USP45: variants seen among roughly 807,000 people sequenced by gnomAD.
The protein encoded by USP45 is ubiquitin carboxyl-terminal hydrolase 45.
In USP45, 89 loss-of-function variants were observed where a neutral mutation model predicts 95.8. The ratio of observed to expected loss-of-function variants is 0.93; its 90% CI spans 0.78 to 1.11. The LOEUF is 1.11. Among genes scored for constraint, USP45 ranks in the 50% least tolerant of loss-of-function variants. USP45 has a pLI of 0.00. For missense variants in USP45, 898 were observed against 942.5 expected, an observed-to-expected ratio of 0.95 and a Z score of 0.62; for synonymous variants, 281 against 316.2, an observed-to-expected ratio of 0.89 and a Z score of 1.18.
At chr6:99,506,497 C>T (rs907903151) in intron 4 of USP45, among the ~76,000 whole-genome samples, 1 of 152,088 alleles carries the variant, frequency 6.6e-6, no homozygotes, top group Non-Finnish European at 1.5e-5. Context: ...TTCGTAGAGA[C>T]GGGGTTTCAC....
intron 7 of USP45, among the ~76,000 whole-genome samples, chr6:99,485,872 GA>G (rs1793752662): frequency 2.0e-5 from 3 of 152,062 alleles, no homozygotes; most frequent in Non-Finnish European, 4.4e-5. Context: ...ACAGAATAAA[GA>G]AGAAAAACCA....
Position 99,432,471 on chromosome 6 carries a change from A to G in USP45, c.*3245T>C, listed in dbSNP as rs1385210362. The G allele has an allele frequency of 1.3e-5, 2 of 152,188 alleles. No homozygotes were observed. Among genetic ancestry groups the G allele is most frequent in the Non-Finnish European group, 2.9e-5 (2 of 68,036 alleles). 9.4% of individuals were successfully genotyped at this position (152,188 alleles called of 1,614,324 possible). On this transcript the variant is annotated 3_prime_UTR_variant, in exon 18 of 18. Transcript: ENST00000500704. ...AGATAAATAAGAATATTTATTATGC[A>G]TGTTTTATACAGTAACACCAAAATA...
At chr6:99,475,982 G>A (rs1381764024) in intron 9 of USP45, among the ~76,000 whole-genome samples, 161 bp downstream of exon 9, 1 of 152,082 alleles carries the variant, frequency 6.6e-6, no homozygotes, top group Non-Finnish European at 1.5e-5. Flanking sequence ...GCACCACCAT[G>A]CGCGGCTAAT....
At chr6:99,478,620 G>A (rs1041539079) in intron 8 of USP45, among the ~76,000 whole-genome samples, 2 of 152,104 alleles carry the variant, frequency 1.3e-5, no homozygotes, top group African/African-American at 4.8e-5. Context: ...GCCCATATAT[G>A]GTGGATTGGA....
Position 99,445,249 on chromosome 6 carries a change from C to T in USP45, c.1975+548G>A, listed in dbSNP as rs1479692434. On this transcript the variant is annotated intron_variant, in intron 14 of 17. Coordinates refer to ENST00000500704, the MANE Select transcript of USP45 (RefSeq NM_001346022.3). ...CCTGTAATCTCAGCACTTTGGGAGG[C>T]CAAGGCGGGTGGATCATGAGGTCAG... Among the ~76,000 whole-genome samples, 4 of 152,082 alleles carry T rather than the reference C, an allele frequency of 2.6e-5. No homozygotes were observed. The East Asian group carries it at 7.7e-4, about 29-fold the overall frequency.
At chr6:99,446,851 C>A (rs59727634) in intron 13 of USP45, among the ~76,000 whole-genome samples, 5,694 of 152,228 alleles carry the variant, frequency 0.037, 272 homozygotes, top group African/African-American at 0.12. Flanking sequence ...TCAAGTGATC[C>A]TCCCACCTCA....
At chr6:99,460,506 A>G (rs933308696) in intron 13 of USP45, among the ~76,000 whole-genome samples, 3 of 152,192 alleles carry the variant, frequency 2.0e-5, no homozygotes, top group South Asian at 4.1e-4. Flanking sequence ...CCTTAAAAAA[A>G]TTTACATAGG....
intron 1 of USP45, chr6:99,514,822 C>T (rs972905734): frequency 1.2e-4 from 18 of 152,340 alleles, no homozygotes; most frequent in African/African-American, 4.1e-4. Flanking sequence ...AAGCACTTCA[C>T]AAATATTAAC....
At position 99,508,725 on chromosome 6, in the gene USP45, G is replaced by C; in HGVS notation, c.158C>G (p.Ala53Gly). Residue 53 changes from alanine (A) to glycine (G), a missense_variant, in exon 3 of 18, where the codon GCA becomes GGA. Ala to Gly is a moderately conservative substitution (Grantham distance 60). Coordinates refer to ENST00000500704, the MANE Select transcript of USP45 (RefSeq NM_001346022.3). ...AACTGACCACAGATTCTCAGCTATT[G>C]CTCTCTTTACATGATTCACGCTGAT... The part of the protein sequence containing the change: ...HAISVNHVKR[A>G]IAENLWSVCS... The C allele has an allele frequency of 6.2e-7, 1 of 1,613,602 alleles. No individual in the cohort carries two copies. The highest frequency in any genetic ancestry group is 1.3e-5 in the African/African-American group (1 of 75,012).
At chr6:99,503,956 G>T in intron 4 of USP45, 91 bp from the exon 5 acceptor site, 1 of 892,876 alleles carries the variant, frequency 1.1e-6, no homozygotes, top group Non-Finnish European at 1.6e-6. Context: ...AGTTACTTTT[G>T]TCTTTAAATT....
intron 5 of USP45, among the ~76,000 whole-genome samples, chr6:99,496,813 A>G (rs1256712431): frequency 6.6e-6 from 1 of 152,110 alleles, no homozygotes; most frequent in African/African-American, 2.4e-5. Flanking sequence ...AACTGAGCAT[A>G]CGTTAATGGG....
chr6:99,470,578 A>C (rs1272966159), intron 9 of USP45, among the ~76,000 whole-genome samples: 1 of 152,206 alleles, frequency 6.6e-6, no homozygotes, highest in African/African-American at 2.4e-5. Context: ...CCTGAAATAC[A>C]CTTATATACT....
At chr6:99,478,619 T>C (rs1010509532) in intron 8 of USP45, among the ~76,000 whole-genome samples, 2 of 152,194 alleles carry the variant, frequency 1.3e-5, no homozygotes, top group African/African-American at 4.8e-5. Context: ...TGCCCATATA[T>C]GGTGGATTGG....
intron 13 of USP45, among the ~76,000 whole-genome samples, chr6:99,456,354 C>T (rs9402798): frequency 0.52 from 79,124 of 151,596 alleles, 21,249 homozygotes; most frequent in East Asian, 0.9. Context: ...AAGGTAGCTA[C>T]GAGAAAATCT....
chr6:99,508,888 G>C, intron 2 of USP45, 106 bp from the exon 3 acceptor site: 1 of 899,996 alleles, frequency 1.1e-6, no homozygotes, highest in Non-Finnish European at 1.6e-6. Flanking sequence ...AAAAAGCACA[G>C]AGATTGAACA....
chr6:99,480,310 G>A (rs981824600), intron 8 of USP45, among the ~76,000 whole-genome samples: 8 of 146,040 alleles, frequency 5.5e-5, no homozygotes, highest in African/African-American at 1.8e-4. Flanking sequence ...TTAAGATGTT[G>A]ATTCTCCCCA....
chr6:99,439,776 G>C lies in USP45; in HGVS notation c.2153C>G (p.Thr718Ser). 6.3e-7 allele frequency: 1 copy of C among 1,592,778 alleles called. No homozygotes were observed. Among genetic ancestry groups the C allele is most frequent in the Non-Finnish European group, 8.6e-7 (1 of 1,169,026 alleles). ...TATCTTAATATACTGTACCTTACAA[G>C]TAGCAGAGCAGAATGGTGCTAAATC... ...MLDLAPFCSA[T>S]CKNASVGDKV... is the part of the protein sequence containing the mutation. Residue 718 changes from threonine to serine, a missense_variant, in exon 16 of 18, where the codon ACT becomes AGT. Physicochemically the swap from Thr to Ser is moderately conservative, Grantham distance 58. Coordinates refer to ENST00000500704, the MANE Select transcript of USP45 (RefSeq NM_001346022.3).
Position 99,477,139 on chromosome 6 carries a change from A to G in USP45, c.846-909T>C, listed in dbSNP as rs139403231. On this transcript the variant is annotated intron_variant, in intron 8 of 17. Coordinates refer to ENST00000500704, the MANE Select transcript of USP45 (RefSeq NM_001346022.3). Reference sequence around the variant, plus strand: ...AGACACATTTACAACTATTTATGATATTTACAACATATCTCATGTGATATA... The same window carrying G: ...AGACACATTTACAACTATTTATGATGTTTACAACATATCTCATGTGATATA... Among the ~76,000 whole-genome samples the G allele has an allele frequency of 2.4e-4, 37 of 152,342 alleles. No homozygotes were observed. In the East Asian group the frequency reaches 6.6e-3, roughly 27 times the overall value.
chr6:99,452,050 C>A (rs1783980816), intron 13 of USP45, among the ~76,000 whole-genome samples: 2 of 152,242 alleles, frequency 1.3e-5, no homozygotes, highest in East Asian at 1.9e-4. Flanking sequence ...CAAAGACTTA[C>A]ATGTTAGAGC....
Sources: allele counts gnomAD v4.1 joint callset (sites outside exome capture counted in the v4.1 genomes callset), GRCh38; gene constraint gnomAD v4.1.1; transcripts MANE v1.5; gene names NCBI Gene and HGNC (gene_info 2026-07-23, HGNC 2026-07-21).